DNAAF10: variants seen among roughly 807,000 people sequenced by gnomAD.
DNAAF10 encodes the protein WD repeat domain 92.
Under a neutral mutation model 43.7 loss-of-function variants are expected in DNAAF10, and 28 were observed. That is an observed-to-expected ratio of 0.64 (90% CI 0.48 to 0.88). The LOEUF (loss-of-function observed/expected upper bound fraction) is 0.88. Ranked by LOEUF, DNAAF10 falls within the 40% of genes least tolerant of loss-of-function variation. DNAAF10 has a pLI of 0.00. For synonymous variants in DNAAF10, 156 were observed against 157.3 expected (o/e 0.99, Z 0.06); for missense variants, 403 against 439.1 (o/e 0.92, Z 0.73).
At chr2:68,154,869 C>T (rs1397252292) in intron 1 of DNAAF10, among the ~76,000 whole-genome samples, 1 of 151,958 alleles carries the variant, frequency 6.6e-6, no homozygotes, top group Non-Finnish European at 1.5e-5. Flanking sequence ...CTCAAGAGAT[C>T]CTCCCACCAC....
chr2:68,143,582 A>C (rs1673242750), intron 3 of DNAAF10, among the ~76,000 whole-genome samples: 1 of 152,222 alleles, frequency 6.6e-6, no homozygotes, highest in South Asian at 2.1e-4. Context: ...ATAAGACAAC[A>C]AATAAAAAAA....
At chr2:68,153,738 C>G (rs1413383257) in intron 1 of DNAAF10, among the ~76,000 whole-genome samples, 7 of 141,260 alleles carry the variant, frequency 5.0e-5, no homozygotes, top group African/African-American at 1.8e-4. Context: ...CAGCCAAACA[C>G]AATGAAGTTT....
At chr2:68,134,402 G>T in intron 7 of DNAAF10, 3 of 1,138,688 alleles carry the variant, frequency 2.6e-6, no homozygotes, top group Non-Finnish European at 3.2e-6. Context: ...GGCAGTGAGT[G>T]TTCTAATCAC....
chr2:68,153,566 T>C (rs1410830410), intron 1 of DNAAF10, among the ~76,000 whole-genome samples: 2 of 152,044 alleles, frequency 1.3e-5, no homozygotes, highest in East Asian at 1.9e-4. Flanking sequence ...GTTGTACTAC[T>C]GTGTCAGAAT....
At chr2:68,147,728 C>A (rs1288780115) in intron 1 of DNAAF10, among the ~76,000 whole-genome samples, 161 bp from the exon 2 acceptor site, 1 of 152,122 alleles carries the variant, frequency 6.6e-6, no homozygotes, top group East Asian at 1.9e-4. Flanking sequence ...TTCCTTTACT[C>A]ATTTTTCTTT....
At chr2:68,146,133 G>A (rs879803218) in intron 2 of DNAAF10, among the ~76,000 whole-genome samples, 3 of 152,148 alleles carry the variant, frequency 2.0e-5, no homozygotes, top group Admixed American at 1.3e-4. Flanking sequence ...GTGGTGGTGG[G>A]CACCTGTAAT....
At chr2:68,145,910 C>T (rs965778843) in intron 2 of DNAAF10, among the ~76,000 whole-genome samples, 15 of 152,166 alleles carry the variant, frequency 9.9e-5, no homozygotes, top group South Asian at 6.2e-4. Flanking sequence ...TGTGACTATA[C>T]ATGAAATATA....
chr2:68,153,345 T>TAAAA (rs775794947), intron 1 of DNAAF10, among the ~76,000 whole-genome samples: 136 of 98,608 alleles, frequency 1.4e-3, no homozygotes, highest in Non-Finnish European at 1.7e-3. Context: ...AGTGATAAAT[T>TAAAA]AAAAAAAAAA....
intron 1 of DNAAF10, among the ~76,000 whole-genome samples, chr2:68,154,832 C>T (rs934232737): frequency 4.6e-5 from 7 of 151,922 alleles, no homozygotes; most frequent in Non-Finnish European, 7.4e-5. Context: ...TGCAGTGGTG[C>T]GAACACAGCA....
rs1249702159 is a variant in DNAAF10 at position 68,130,084 on chromosome 2, C to G, written c.*1154G>C. On this transcript the variant is annotated 3_prime_UTR_variant, in exon 8 of 8. Transcript: ENST00000295121. ...AATTGCAGAAAATAGCTACCCAAAT[C>G]TAGACCAACCGTGCCGTTTTGAGAG... The G allele has an allele frequency of 7.0e-6, 1 of 142,472 alleles. No homozygotes were observed. Among genetic ancestry groups the G allele is most frequent in the Non-Finnish European group, 1.5e-5 (1 of 66,680 alleles). 8.8% of individuals were successfully genotyped at this position (142,472 alleles called of 1,614,324 possible). A position where few individuals can be genotyped will look rare whatever the true frequency, so the allele number is the denominator to read the frequency against.
Position 68,134,813 on chromosome 2 carries a change from G to C in DNAAF10, c.769-14C>G. 6.2e-7 allele frequency: 1 copy of C among 1,613,562 alleles called. No homozygotes were observed. Among genetic ancestry groups the C allele is most frequent in the Non-Finnish European group, 8.5e-7 (1 of 1,179,884 alleles). On this transcript the variant is annotated splice_polypyrimidine_tract_variant and intron_variant, in intron 6 of 7. Coordinates refer to ENST00000295121, the MANE Select transcript of DNAAF10 (RefSeq NM_138458.4). ...AGATTTATGAGCCTAAATAGAACAAGAGGCATACAACTGGTTTATATGCTA... is the reference window on the plus strand; with the variant it reads ...AGATTTATGAGCCTAAATAGAACAACAGGCATACAACTGGTTTATATGCTA...
At position 68,156,732 on chromosome 2, in the gene DNAAF10, G is replaced by T. The variant is rs371864759; in HGVS notation, c.183+529C>A. Among the ~76,000 whole-genome samples, 13 of 152,296 alleles carry T rather than the reference G, an allele frequency of 8.5e-5. No individual in the cohort carries two copies. The South Asian group carries it at 2.7e-3, about 32-fold the overall frequency. On this transcript the variant is annotated intron_variant, in intron 1 of 7. Transcript: ENST00000295121. Reference sequence around the variant, plus strand: ...AAACCTTGTCCTTTACTCCTAGTTTGACCTAGTTAGCTTCTGCACATACCA... The same window carrying T: ...AAACCTTGTCCTTTACTCCTAGTTTTACCTAGTTAGCTTCTGCACATACCA...
At position 68,144,715 on chromosome 2, in the gene DNAAF10, C is replaced by T; in HGVS notation, c.285G>A (p.Trp95Ter). ...TGDFGGNLHI[W>*]NLEAPEMPVY... ...CTGGCATCTCTGGAGCTTCTAAATTCCTAAACAACAAACACAGCTTCTTAC... is the reference window on the plus strand; with the variant it reads ...CTGGCATCTCTGGAGCTTCTAAATTTCTAAACAACAAACACAGCTTCTTAC... The change falls in exon 3 of 8, where the codon TGG becomes TGA. Residue 95 changes from tryptophan to a stop codon, truncating the protein, a stop_gained and splice_region_variant. Coordinates refer to ENST00000295121, the MANE Select transcript of DNAAF10 (RefSeq NM_138458.4). LOFTEE classifies it high-confidence loss of function. The T allele has an allele frequency of 6.2e-7, 1 of 1,608,080 alleles. No homozygotes were observed. Among genetic ancestry groups the T allele is most frequent in the Non-Finnish European group, 8.5e-7 (1 of 1,178,750 alleles).
intron 4 of DNAAF10, 42 bp from the exon 5 acceptor site, chr2:68,138,899 T>A (rs975834530): frequency 4.3e-6 from 6 of 1,391,530 alleles, no homozygotes; most frequent in African/African-American, 4.3e-5. Flanking sequence ...TATAAATGCA[T>A]CCTTATAAAG....
chr2:68,131,751 T>C (rs1307174165), intron 7 of DNAAF10: 2 of 257,772 alleles, frequency 7.8e-6, no homozygotes, highest in Non-Finnish European at 1.5e-5. Context: ...GATTCTTTAA[T>C]ACATTTACTT....
At chr2:68,139,725 A>G (rs1673131948) in intron 4 of DNAAF10, among the ~76,000 whole-genome samples, 1 of 151,412 alleles carries the variant, frequency 6.6e-6, no homozygotes, top group Non-Finnish European at 1.5e-5. Context: ...AATGGCATGA[A>G]CCTGGGAGGC....
intron 1 of DNAAF10, among the ~76,000 whole-genome samples, chr2:68,156,586 G>A (rs529260887): frequency 2.0e-5 from 3 of 152,218 alleles, no homozygotes; most frequent in African/African-American, 2.4e-5. Flanking sequence ...TTAGAAAAAA[G>A]GCATAAATCC....
chr2:68,139,378 C>CT (rs916499860), intron 4 of DNAAF10, among the ~76,000 whole-genome samples: 80 of 152,244 alleles, frequency 5.3e-4, no homozygotes, highest in African/African-American at 1.9e-3. Flanking sequence ...CACCATGCTT[C>CT]TTGGATACTC....
chr2:68,134,383 T>C, intron 7 of DNAAF10: 1 of 1,086,524 alleles, frequency 9.2e-7, no homozygotes, highest in Non-Finnish European at 1.1e-6. Context: ...CCTTTCCCCA[T>C]CTTTTAGAGG....
Sources: allele counts gnomAD v4.1 joint callset (sites outside exome capture counted in the v4.1 genomes callset), GRCh38; gene constraint gnomAD v4.1.1; transcripts MANE v1.5; gene names NCBI Gene and HGNC (gene_info 2026-07-23, HGNC 2026-07-21).